The following LRP6 variants were observed in gnomAD, a reference collection of about 807,000 sequenced individuals.
The protein encoded by LRP6 is LDL receptor related protein 6.
A neutral mutation model predicts 184.1 loss-of-function variants in LRP6; 43 were observed. The observed-to-expected ratio is 0.23, with a 90% CI of 0.18 to 0.30. The LOEUF is 0.30. Ranked by LOEUF, LRP6 falls within the 10% of genes least tolerant of loss-of-function variation. LRP6 has a pLI of 1.00. For missense variants in LRP6, 1,571 were observed against 2,005.3 expected (o/e 0.78, Z 4.14); for synonymous variants, 719 against 684.9 (o/e 1.05, Z -0.78).
intron 22 of LRP6, among the ~76,000 whole-genome samples, chr12:12,123,741 T>G (rs996765552): frequency 3.3e-5 from 5 of 152,212 alleles, no homozygotes; most frequent in African/African-American, 1.2e-4. Context: ...AGGAATAATT[T>G]TCTCTTTTTT....
At chr12:12,155,032 C>T (rs1378918815) in intron 12 of LRP6, among the ~76,000 whole-genome samples, 2 of 152,052 alleles carry the variant, frequency 1.3e-5, no homozygotes, top group East Asian at 1.9e-4. Context: ...CCCGTCTCCA[C>T]TAAAAACACA....
chr12:12,260,179 C>G (rs1865576119), intron 1 of LRP6, among the ~76,000 whole-genome samples: 1 of 152,010 alleles, frequency 6.6e-6, no homozygotes, highest in African/African-American at 2.4e-5. Flanking sequence ...GAGATGGAGA[C>G]CAACCTGGCT....
intron 15 of LRP6, among the ~76,000 whole-genome samples, chr12:12,140,467 A>T (rs1334467088): frequency 6.6e-6 from 1 of 152,166 alleles, no homozygotes; most frequent in Non-Finnish European, 1.5e-5. Flanking sequence ...ATGAAAAATA[A>T]ATTATCAAAG....
intron 9 of LRP6, among the ~76,000 whole-genome samples, chr12:12,163,748 T>A (rs1335521088): frequency 6.6e-6 from 1 of 152,224 alleles, no homozygotes; most frequent in African/African-American, 2.4e-5. Flanking sequence ...AGAGGAAGAC[T>A]ATGGCTTGCA....
chr12:12,136,766 A>G (rs908357072), intron 16 of LRP6, among the ~76,000 whole-genome samples: 7 of 152,232 alleles, frequency 4.6e-5, no homozygotes, highest in Non-Finnish European at 1.0e-4. Flanking sequence ...TATACAGTCT[A>G]TGTAGCAGTG....
chr12:12,160,564 T>A (rs1862714949), intron 10 of LRP6, among the ~76,000 whole-genome samples: 1 of 152,228 alleles, frequency 6.6e-6, no homozygotes, highest in Non-Finnish European at 1.5e-5. Context: ...CCCCTTGATG[T>A]GTCCACTGGG....
rs368420859 is a variant in LRP6 at position 12,146,968 on chromosome 12, C to T, written c.3397+398G>A. Reference sequence around the variant, plus strand: ...GAGATCGAGACCATCCTGGCTAACACGGTGAAACCCTGTCTCTACTAAAAA... The same window carrying T: ...GAGATCGAGACCATCCTGGCTAACATGGTGAAACCCTGTCTCTACTAAAAA... On this transcript the variant is annotated intron_variant, in intron 15 of 22. Coordinates refer to ENST00000261349, the MANE Select transcript of LRP6 (RefSeq NM_002336.3). 7.9e-5 allele frequency among the ~76,000 whole-genome samples: 12 copies of T among 152,250 alleles called. No homozygotes were observed. The East Asian group carries it at 9.6e-4, about 12-fold the overall frequency.
At chr12:12,167,492 A>C (rs1591907408) in intron 7 of LRP6, among the ~76,000 whole-genome samples, 1 of 152,164 alleles carries the variant, frequency 6.6e-6, no homozygotes, top group Admixed American at 6.5e-5. Flanking sequence ...AAATACAAAA[A>C]ATTTGCTGGG....
At chr12:12,232,577 C>A in intron 2 of LRP6, among the ~76,000 whole-genome samples, 1 of 101,270 alleles carries the variant, frequency 9.9e-6, no homozygotes, top group Non-Finnish European at 2.2e-5. Flanking sequence ...AGCAAGAATC[C>A]AGCAGGTGCA....
chr12:12,252,226 A>G (rs552410129), intron 1 of LRP6, among the ~76,000 whole-genome samples: 1 of 152,180 alleles, frequency 6.6e-6, no homozygotes, highest in South Asian at 2.1e-4. Flanking sequence ...TTAAATATGT[A>G]GCCAAGTATT....
chr12:12,253,125 G>C (rs964462585), intron 1 of LRP6, among the ~76,000 whole-genome samples: 2 of 152,132 alleles, frequency 1.3e-5, no homozygotes, highest in Admixed American at 6.5e-5. Flanking sequence ...TTAGCAGGGC[G>C]TGGTGGCGCG....
At chr12:12,206,392 A>C (rs1011110866) in intron 2 of LRP6, among the ~76,000 whole-genome samples, 4 of 151,904 alleles carry the variant, frequency 2.6e-5, no homozygotes, top group Admixed American at 2.0e-4. Flanking sequence ...AATACAAAAA[A>C]ATTAGCCAGG....
chr12:12,138,863 A>G (rs372991328), intron 15 of LRP6: 1 of 1,378,004 alleles, frequency 7.3e-7, no homozygotes, highest in Non-Finnish European at 9.7e-7. Flanking sequence ...CTGGAGGAGC[A>G]GTGGTGGTGG....
chr12:12,169,434 T>G (rs1469033843), intron 7 of LRP6, among the ~76,000 whole-genome samples: 1 of 152,144 alleles, frequency 6.6e-6, no homozygotes, highest in Non-Finnish European at 1.5e-5. Context: ...TTCACTTCAG[T>G]CCCTTGAGAA....
At position 12,158,854 on chromosome 12, in the gene LRP6, A is replaced by G; in HGVS notation, c.2766T>C (p.Leu922=). 6.2e-7 allele frequency: 1 copy of G among 1,614,218 alleles called. No homozygotes were observed. ...FVCGCPAHYS[L]NADNRTCSAP... ...CACTACAAGTCCTGTTGTCAGCATTAAGAGAGTAGTGGGCAGGGCATCCAC... is the reference window on the plus strand; with the variant it reads ...CACTACAAGTCCTGTTGTCAGCATTGAGAGAGTAGTGGGCAGGGCATCCAC... Residue 922 remains leucine, a synonymous_variant, in exon 12 of 23, where the codon CTT becomes CTC. Transcript: ENST00000261349.
At chr12:12,242,845 C>T (rs752948410) in intron 2 of LRP6, among the ~76,000 whole-genome samples, 3 of 152,118 alleles carry the variant, frequency 2.0e-5, no homozygotes, top group African/African-American at 4.8e-5. Flanking sequence ...ACAGTCAAAT[C>T]AGTCTTCTCA....
Position 12,124,417 on chromosome 12 carries a change from G to A in LRP6, c.4547+148C>T, listed in dbSNP as rs1298224830. The A allele has an allele frequency of 4.6e-6, 3 of 655,122 alleles. No individual in the cohort carries two copies. In the African/African-American group the frequency reaches 5.5e-5, roughly 12 times the overall value. The allele number at this position is 655,122 out of a possible 1,614,324, so 40.6% of individuals were successfully genotyped here. ...ATAACGTCCTGAAAGGAAAGGATTT[G>A]TGGTAGAGGCAATGTCAGTACTATC... is the stretch of plus-strand genomic sequence containing the variant. On this transcript the variant is annotated intron_variant, in intron 22 of 22. Transcript: ENST00000261349.
At chr12:12,262,235 C>T (rs577743129) in intron 1 of LRP6, among the ~76,000 whole-genome samples, 3 of 152,114 alleles carry the variant, frequency 2.0e-5, no homozygotes, top group Admixed American at 6.5e-5. Flanking sequence ...AAAAATTATC[C>T]GGGCATGGTG....
intron 15 of LRP6, among the ~76,000 whole-genome samples, chr12:12,142,087 TAAA>T (rs750649273): frequency 2.0e-5 from 3 of 152,182 alleles, no homozygotes; most frequent in Non-Finnish European, 2.9e-5. Flanking sequence ...AAGTTTATTT[TAAA>T]ATAAGTGAAA....
Sources: gnomAD v4.1 joint callset for allele counts (sites outside exome capture counted in the v4.1 genomes callset) on GRCh38, gnomAD v4.1.1 for gene constraint, MANE v1.5 for transcripts, NCBI Gene and HGNC (gene_info 2026-07-23, HGNC 2026-07-21) for gene names.